The following RARB variants were observed in gnomAD, a reference collection of about 807,000 sequenced individuals.
RARB encodes retinoic acid receptor beta, also known as HBV-activated protein.
In RARB, 17 loss-of-function variants were observed where a neutral mutation model predicts 51.9. The ratio of observed to expected loss-of-function variants is 0.33; its 90% CI spans 0.22 to 0.49. The LOEUF (loss-of-function observed/expected upper bound fraction) is 0.49. Ranked by LOEUF, RARB falls within the 20% of genes least tolerant of loss-of-function variation. RARB has a pLI of 0.99. For missense variants in RARB, 369 were observed against 550.8 expected (o/e 0.67, Z 3.30); for synonymous variants, 215 against 195.4 (o/e 1.10, Z -0.84).
chr3:25,498,617 C>G (rs1231239027), intron 2 of RARB, among the ~76,000 whole-genome samples: 4 of 152,152 alleles, frequency 2.6e-5, no homozygotes, highest in Non-Finnish European at 5.9e-5. Flanking sequence ...TTCTTTAATT[C>G]TCTGGTCTTC....
intron 5 of RARB, among the ~76,000 whole-genome samples, chr3:25,280,580 G>C (rs1036353683): frequency 2.0e-5 from 3 of 152,004 alleles, no homozygotes; most frequent in Non-Finnish European, 2.9e-5. Context: ...ATTTTAGTTG[G>C]ATATTGAAAA....
At chr3:25,068,203 A>G (rs1344862046) in intron 3 of RARB, among the ~76,000 whole-genome samples, 1 of 144,804 alleles carries the variant, frequency 6.9e-6, no homozygotes, top group African/African-American at 2.5e-5. Context: ...TCAACAGTCA[A>G]AAAATCTGTC....
intron 5 of RARB, among the ~76,000 whole-genome samples, chr3:25,250,467 A>G (rs1379155391): frequency 1.3e-5 from 2 of 152,158 alleles, no homozygotes; most frequent in Non-Finnish European, 2.9e-5. Context: ...CAGCTGGGGA[A>G]TGAACACATT....
chr3:24,831,646 G>C (rs1215680564), intron 1 of RARB, among the ~76,000 whole-genome samples: 2 of 152,012 alleles, frequency 1.3e-5, no homozygotes, highest in African/African-American at 4.8e-5. Context: ...GATATGGTGG[G>C]GGGGAACTAG....
chr3:25,287,334 A>G (rs1424334626), intron 5 of RARB, among the ~76,000 whole-genome samples: 2 of 152,018 alleles, frequency 1.3e-5, no homozygotes, highest in Non-Finnish European at 2.9e-5. Context: ...ATTTCTTCCT[A>G]TGTTTCCATA....
chr3:25,147,235 G>A (rs756989553), intron 4 of RARB, among the ~76,000 whole-genome samples: 14 of 152,046 alleles, frequency 9.2e-5, no homozygotes, highest in Non-Finnish European at 1.6e-4. Context: ...ATCTTCAGGT[G>A]GGTTTGGAAA....
intron 5 of RARB, among the ~76,000 whole-genome samples, chr3:25,269,334 G>C (rs558123695): frequency 6.6e-6 from 1 of 152,272 alleles, no homozygotes; most frequent in South Asian, 2.1e-4. Context: ...GCCCCACAAA[G>C]CTTATCAGTG....
chr3:25,017,349 A>G (rs1346985322), intron 2 of RARB, among the ~76,000 whole-genome samples: 3 of 151,334 alleles, frequency 2.0e-5, no homozygotes, highest in Non-Finnish European at 4.4e-5. Flanking sequence ...ATGTCTTCTC[A>G]AAGTTTAAAC....
At chr3:25,354,629 C>G (rs756906034) in intron 5 of RARB, among the ~76,000 whole-genome samples, 4 of 152,140 alleles carry the variant, frequency 2.6e-5, no homozygotes, top group Non-Finnish European at 5.9e-5. Flanking sequence ...CAATGCCCAT[C>G]TTTTAGGCAC....
chr3:25,063,527 T>TA (rs147651700), intron 3 of RARB, among the ~76,000 whole-genome samples: 2 of 151,628 alleles, frequency 1.3e-5, no homozygotes, highest in African/African-American at 2.4e-5. Flanking sequence ...GCACATAAGG[T>TA]AAAAAAACAA....
At chr3:25,357,411 G>A (rs1235610303) in intron 5 of RARB, among the ~76,000 whole-genome samples, 2 of 151,990 alleles carry the variant, frequency 1.3e-5, no homozygotes, top group African/African-American at 4.8e-5. Context: ...CTGGATATTA[G>A]CCCTTTGTCA....
At chr3:25,297,698 C>A (rs887238640) in intron 5 of RARB, among the ~76,000 whole-genome samples, 1 of 151,944 alleles carries the variant, frequency 6.6e-6, no homozygotes, top group African/African-American at 2.4e-5. Context: ...CTGTTAAAAG[C>A]AAGAGATGGT....
chr3:25,089,242 C>G (rs1010142508), intron 3 of RARB, among the ~76,000 whole-genome samples: 2 of 151,278 alleles, frequency 1.3e-5, no homozygotes, highest in Non-Finnish European at 2.9e-5. Context: ...GCTGAAGATA[C>G]TTTATTGTAT....
intron 5 of RARB, among the ~76,000 whole-genome samples, chr3:25,263,310 A>G (rs1703051805): frequency 6.6e-6 from 1 of 152,264 alleles, no homozygotes; most frequent in African/African-American, 2.4e-5. Flanking sequence ...TGTAAGAACA[A>G]TTAGTATTGC....
intron 3 of RARB, among the ~76,000 whole-genome samples, chr3:25,539,213 G>A (rs886725838): frequency 6.6e-6 from 1 of 152,164 alleles, no homozygotes; most frequent in Non-Finnish European, 1.5e-5. Flanking sequence ...CAGCTACCTG[G>A]CAATGATCCT....
intron 4 of RARB, among the ~76,000 whole-genome samples, chr3:25,571,925 C>T (rs1700727403): frequency 6.6e-6 from 1 of 152,226 alleles, no homozygotes; most frequent in Non-Finnish European, 1.5e-5. Flanking sequence ...ACCTGGCCCC[C>T]ATGCTGGGTG....
intron 5 of RARB, among the ~76,000 whole-genome samples, chr3:25,224,739 A>G (rs1575233214): frequency 1.3e-5 from 2 of 151,900 alleles, no homozygotes; most frequent in African/African-American, 2.4e-5. Flanking sequence ...TCCCAAGTAG[A>G]TGAGACTACA....
intron 5 of RARB, among the ~76,000 whole-genome samples, chr3:25,261,851 C>G (rs1425326450): frequency 6.6e-6 from 1 of 152,100 alleles, no homozygotes; most frequent in Non-Finnish European, 1.5e-5. Context: ...GGCACTATTC[C>G]CAAAATTCGG....
chr3:24,955,086 G>T (rs1291334116), intron 2 of RARB, among the ~76,000 whole-genome samples: 1 of 152,184 alleles, frequency 6.6e-6, no homozygotes, highest in Admixed American at 6.5e-5. Flanking sequence ...GACAAATTGG[G>T]TCGCATGAAG....
Sources: gnomAD v4.1 joint callset for allele counts (sites outside exome capture counted in the v4.1 genomes callset) on GRCh38, gnomAD v4.1.1 for gene constraint, MANE v1.5 for transcripts, NCBI Gene and HGNC (gene_info 2026-07-23, HGNC 2026-07-21) for gene names.